The following PLXNC1 variants were observed in gnomAD, a reference collection of about 807,000 sequenced individuals.
PLXNC1 encodes plexin C1.
Under a neutral mutation model 178.2 loss-of-function variants are expected in PLXNC1, and 75 were observed. The ratio of observed to expected loss-of-function variants is 0.42; its 90% CI spans 0.35 to 0.51. PLXNC1 has a LOEUF of 0.51. PLXNC1 is among the 20% of genes least tolerant of loss of function. The pLI is 0.02. For synonymous variants in PLXNC1, 790 were observed against 779.9 expected (o/e 1.01, Z -0.22); for missense variants, 1,503 against 1,984.4 (o/e 0.76, Z 4.61).
intron 9 of PLXNC1, among the ~76,000 whole-genome samples, chr12:94,237,440 A>G (rs1964271568): frequency 6.6e-6 from 1 of 152,248 alleles, no homozygotes; most frequent in Non-Finnish European, 1.5e-5. Flanking sequence ...GTCTTGTGAG[A>G]CAAAGACTAA....
At chr12:94,286,664 A>G (rs987745672) in intron 23 of PLXNC1, among the ~76,000 whole-genome samples, 1 of 151,486 alleles carries the variant, frequency 6.6e-6, no homozygotes, top group African/African-American at 2.4e-5. Context: ...ATAGGGTCTA[A>G]TTCAGAGTTT....
In PLXNC1 at chr12:94,305,313, A is replaced by G; in HGVS notation, c.*28A>G. On this transcript the variant is annotated 3_prime_UTR_variant, in exon 31 of 31. Coordinates refer to ENST00000258526, the MANE Select transcript of PLXNC1 (RefSeq NM_005761.3). ...ACTCTGGGGCCTGGCTTAATCTGGC[A>G]AAGTTCTTCAGACGACTTGGGAGCA... is the stretch of plus-strand genomic sequence containing the variant. 5 of 1,427,634 alleles carry G rather than the reference A, an allele frequency of 3.5e-6. No individual in the cohort carries two copies. Among genetic ancestry groups the G allele is most frequent in the Non-Finnish European group, 4.9e-6 (5 of 1,021,312 alleles). The allele number at this position is 1,427,634 out of a possible 1,614,324, so 88.4% of individuals were successfully genotyped here.
At chr12:94,205,146 C>A (rs998708326) in intron 4 of PLXNC1, among the ~76,000 whole-genome samples, 1 of 152,112 alleles carries the variant, frequency 6.6e-6, no homozygotes, top group African/African-American at 2.4e-5. Flanking sequence ...TCCCCCAGCC[C>A]GGCCCATGGG....
rs376448944 is a variant in PLXNC1, at chr12:94,248,040, G to A, written c.2526G>A (p.Glu842=). Residue 842 remains glutamate (E), a synonymous_variant, in exon 13 of 31, where the codon GAG becomes GAA. Coordinates refer to ENST00000258526, the MANE Select transcript of PLXNC1 (RefSeq NM_005761.3). ...ATTGTGGAACCCTGCAGTATCGGGA[G>A]GACCCCAGATTCACGGGGTATCGGG... ...YLDCGTLQYR[E]DPRFTGYRVE... is the part of the protein sequence containing the mutation. The A allele has an allele frequency of 1.9e-6, 3 of 1,614,098 alleles. No homozygotes were observed. The highest frequency in any genetic ancestry group is 2.5e-6 in the Non-Finnish European group (3 of 1,179,976).
At position 94,149,282 on chromosome 12, in the gene PLXNC1, G is replaced by A; in HGVS notation, c.311G>A (p.Ser104Asn). 1 of 1,506,552 alleles carries A rather than the reference G, an allele frequency of 6.6e-7. No homozygotes were observed. The highest frequency in any genetic ancestry group is 2.6e-5 in the East Asian group (1 of 38,004). 93.3% of individuals were successfully genotyped at this position (1,506,552 alleles called of 1,614,324 possible). ...APPARPRPGS[S>N]FSKLLLPYRE... ...CCCGCGCGGCCCCGGCCCGGGAGCA[G>A]CTTCAGCAAGCTGCTGCTGCCCTAC... Residue 104 changes from serine to asparagine, a missense_variant, in exon 1 of 31, where the codon AGC (serine) becomes AAC (asparagine). Transcript: ENST00000258526.
chr12:94,301,593 C>T (rs1025590296), intron 28 of PLXNC1, among the ~76,000 whole-genome samples: 3 of 152,088 alleles, frequency 2.0e-5, no homozygotes, highest in African/African-American at 7.2e-5. Flanking sequence ...GAGCAAACTT[C>T]GAAAGAGATG....
intron 2 of PLXNC1, among the ~76,000 whole-genome samples, chr12:94,172,813 A>G (rs992564184): frequency 2.6e-5 from 4 of 152,238 alleles, no homozygotes; most frequent in Non-Finnish European, 5.9e-5. Context: ...TTTCCAAGGA[A>G]GACGGCATTA....
Position 94,279,542 on chromosome 12 carries a change from A to G in PLXNC1, c.3668A>G (p.Asn1223Ser), listed in dbSNP as rs746118562. Residue 1223 changes from asparagine (N) to serine (S), a missense_variant, in exon 22 of 31, where the codon AAT becomes AGT. Around this residue, in one of 4 missense-constraint regions of PLXNC1, gnomAD observed 639 missense variants for 979.7 expected, o/e 0.65. Coordinates refer to ENST00000258526, the MANE Select transcript of PLXNC1 (RefSeq NM_005761.3). The part of the protein sequence containing the change: ...SADVCRNISV[N>S]VLDCDTIGQA... ...GATGTCTGTCGGAATATTTCAGTCA[A>G]TGTTCTCGACTGTGACACCATTGGC... 41 of 1,614,102 alleles carry G rather than the reference A, an allele frequency of 2.5e-5. No homozygotes were observed. The Admixed American group carries it at 6.2e-4, about 24-fold the overall frequency.
At chr12:94,169,039 G>T in intron 1 of PLXNC1, 114 bp from the exon 2 acceptor site, 5 of 920,820 alleles carry the variant, frequency 5.4e-6, no homozygotes, top group Non-Finnish European at 6.5e-6. Context: ...TATATGTGGG[G>T]CCCAGAAGTG....
At chr12:94,281,061 C>G (rs1387336744) in intron 22 of PLXNC1, among the ~76,000 whole-genome samples, 3 of 152,178 alleles carry the variant, frequency 2.0e-5, no homozygotes, top group Non-Finnish European at 4.4e-5. Context: ...GGTGGATCAC[C>G]TGAAGTCAGG....
chr12:94,161,878 A>T (rs935616833), intron 1 of PLXNC1, among the ~76,000 whole-genome samples: 4 of 152,242 alleles, frequency 2.6e-5, no homozygotes, highest in African/African-American at 9.6e-5. Context: ...GATTAGGCCT[A>T]CTTATCAATG....
At chr12:94,297,128 A>G in intron 24 of PLXNC1, 61 bp from the exon 25 acceptor site, 1 of 1,563,882 alleles carries the variant, frequency 6.4e-7, no homozygotes, top group Non-Finnish European at 8.8e-7. Flanking sequence ...GAGAAGGCCG[A>G]TTAGCCCATG....
At chr12:94,253,070 G>A (rs1964741280) in intron 15 of PLXNC1, among the ~76,000 whole-genome samples, 1 of 152,002 alleles carries the variant, frequency 6.6e-6, no homozygotes, top group Non-Finnish European at 1.5e-5. Context: ...AATTAGCTGA[G>A]TGTGGTGGCA....
Position 94,307,585 on chromosome 12 carries a change from A to G in PLXNC1, c.*2300A>G, listed in dbSNP as rs1224353079. 6.6e-6 allele frequency: 1 copy of G among 151,990 alleles called. No individual in the cohort carries two copies. The highest frequency in any genetic ancestry group is 2.4e-5 in the African/African-American group (1 of 41,400). The allele number at this position is 151,990 out of a possible 1,614,324, so 9.4% of individuals were successfully genotyped here. A position where few individuals can be genotyped will look rare whatever the true frequency, so the allele number is the denominator to read the frequency against. ...TTTTCTGTATTAGGATTTAAAGTCT[A>G]TTTCTTATTGTATACCTGATTGAAG... On this transcript the variant is annotated 3_prime_UTR_variant, in exon 31 of 31. Coordinates refer to ENST00000258526, the MANE Select transcript of PLXNC1 (RefSeq NM_005761.3).
At chr12:94,217,172 C>A (rs1399972280) in intron 5 of PLXNC1, among the ~76,000 whole-genome samples, 1 of 152,194 alleles carries the variant, frequency 6.6e-6, no homozygotes, top group Non-Finnish European at 1.5e-5. Context: ...ACTGTAAGGT[C>A]CTCATCTAAC....
At chr12:94,205,452 A>G (rs1262756851) in intron 4 of PLXNC1, among the ~76,000 whole-genome samples, 1 of 152,216 alleles carries the variant, frequency 6.6e-6, no homozygotes, top group Non-Finnish European at 1.5e-5. Flanking sequence ...GTAAAGTTAC[A>G]TTATGGATAA....
At chr12:94,264,292 C>T (rs1965111764) in intron 20 of PLXNC1, among the ~76,000 whole-genome samples, 1 of 152,150 alleles carries the variant, frequency 6.6e-6, no homozygotes, top group Non-Finnish European at 1.5e-5. Context: ...CCATTTCCAT[C>T]ACAGCAGGGG....
chr12:94,177,187 G>GTATATATATATATGTATA, intron 2 of PLXNC1, among the ~76,000 whole-genome samples: 1 of 107,412 alleles, frequency 9.3e-6, no homozygotes, highest in South Asian at 2.6e-4. Context: ...GTATATATAT[G>GTATATATATATATGTATA]TATATATATA....
rs750525745 is a variant in PLXNC1, at chr12:94,220,037, A to G, written c.1576A>G (p.Ser526Gly). The G allele has an allele frequency of 9.9e-6, 16 of 1,613,780 alleles. No individual in the cohort carries two copies. Among genetic ancestry groups the G allele is most frequent in the Non-Finnish European group, 1.4e-5 (16 of 1,179,896 alleles). Residue 526 changes from serine (S) to glycine (G), a missense_variant, in exon 6 of 31, where the codon AGC (serine) becomes GGC (glycine). This residue lies in a region of PLXNC1 where 615 missense variants were observed against 698.6 expected (regional missense o/e 0.88). Transcript: ENST00000258526. ...KEKTTVTMVG[S>G]FSPRHSKCMV... ...ACAGACTACAGTGACTATGGTGGGAAGCTTCTCTCCAAGACACTCAAAGTG... is the reference window on the plus strand; with the variant it reads ...ACAGACTACAGTGACTATGGTGGGAGGCTTCTCTCCAAGACACTCAAAGTG...
Sources: allele counts gnomAD v4.1 joint callset (sites outside exome capture counted in the v4.1 genomes callset), GRCh38; gene constraint gnomAD v4.1.1; regional missense constraint gnomAD v4.1.1; transcripts MANE v1.5; gene names NCBI Gene and HGNC (gene_info 2026-07-23, HGNC 2026-07-21).